EPHB1: variants seen among roughly 807,000 people sequenced by gnomAD.
The protein encoded by EPHB1 is EPH receptor B1, also known as ephrin type-B receptor 1.
Under a neutral mutation model 94.4 loss-of-function variants are expected in EPHB1, and 30 were observed. The ratio of observed to expected loss-of-function variants is 0.32; its 90% confidence interval spans 0.24 to 0.43. The LOEUF is 0.43. EPHB1 is among the 20% of genes least tolerant of loss of function. EPHB1 has a pLI of 1.00. For missense variants in EPHB1, 1,055 were observed against 1,308.3 expected, an observed-to-expected ratio of 0.81 and a Z score of 2.99; for synonymous variants, 522 against 489.1, an observed-to-expected ratio of 1.07 and a Z score of -0.89.
chr3:134,833,279 C>T lies in EPHB1; in HGVS notation c.58+37590C>T, dbSNP rs554173545. Among the ~76,000 whole-genome samples the T allele has an allele frequency of 7.9e-5, 12 of 152,300 alleles. No individual in the cohort carries two copies. In the South Asian group the frequency reaches 2.5e-3, roughly 32 times the overall value. On this transcript the variant is annotated intron_variant, in intron 1 of 15. Transcript: ENST00000398015. ...GCAACACTGACCCTGTGACCCTGCC[C>T]CCGTCCCCAGGCCCTCTGCTTTGAT...
At chr3:134,999,686 A>G (rs72975510) in intron 3 of EPHB1, among the ~76,000 whole-genome samples, 2,516 of 152,276 alleles carry the variant, frequency 0.017, 74 homozygotes, top group African/African-American at 0.055. Context: ...GAAGGATGAG[A>G]GGATTGCCTG....
At chr3:134,941,755 AC>A (rs2039121686) in intron 2 of EPHB1, among the ~76,000 whole-genome samples, 1 of 33,940 alleles carries the variant, frequency 2.9e-5, no homozygotes, top group Non-Finnish European at 7.4e-5. Flanking sequence ...GCACACAGAC[AC>A]ACACACACAC....
At chr3:134,822,550 T>C (rs988357136) in intron 1 of EPHB1, among the ~76,000 whole-genome samples, 1 of 152,228 alleles carries the variant, frequency 6.6e-6, no homozygotes, top group Admixed American at 6.5e-5. Context: ...CCACAATTCT[T>C]ATTTAACATA....
At chr3:135,239,788 C>T (rs1265444147) in intron 12 of EPHB1, among the ~76,000 whole-genome samples, 2 of 152,234 alleles carry the variant, frequency 1.3e-5, no homozygotes, top group African/African-American at 2.4e-5. Flanking sequence ...GTCCCAGCCT[C>T]TCTCTTATCC....
intron 1 of EPHB1, among the ~76,000 whole-genome samples, chr3:134,814,085 G>T (rs1275856249): frequency 2.0e-5 from 3 of 152,166 alleles, no homozygotes; most frequent in Non-Finnish European, 4.4e-5. Context: ...CTGTCACACT[G>T]CCCAGGATCA....
chr3:135,055,618 C>A (rs1377167394), intron 3 of EPHB1, among the ~76,000 whole-genome samples: 1 of 152,172 alleles, frequency 6.6e-6, no homozygotes, highest in East Asian at 1.9e-4. Context: ...CCAAGGCTTC[C>A]CATACAGATC....
In EPHB1 at chr3:135,248,213, G is replaced by GAGAC. The variant is rs1347194376; in HGVS notation, c.2497-100_2497-97dup. ...GTGCAAGCACAGAGCAAGGGCATCT[G>GAGAC]AGACAGCCTGGATCAGGGAGGCTCC... On this transcript the variant is annotated intron_variant, in intron 13 of 15. Coordinates refer to ENST00000398015, the MANE Select transcript of EPHB1 (RefSeq NM_004441.5). 5 of 1,154,678 alleles carry GAGAC rather than the reference G, an allele frequency of 4.3e-6. No individual in the cohort carries two copies. In the East Asian group the frequency reaches 1.3e-4, roughly 29 times the overall value. 71.5% of individuals were successfully genotyped at this position (1,154,678 alleles called of 1,614,324 possible).
At chr3:135,065,146 C>T (rs1937564661) in intron 3 of EPHB1, among the ~76,000 whole-genome samples, 1 of 151,996 alleles carries the variant, frequency 6.6e-6, no homozygotes, top group Admixed American at 6.6e-5. Context: ...GGAGAAAGTT[C>T]CGTGCACTGT....
chr3:135,247,242 A>G (rs1331198119), intron 13 of EPHB1, among the ~76,000 whole-genome samples: 1 of 152,202 alleles, frequency 6.6e-6, no homozygotes, highest in Non-Finnish European at 1.5e-5. Flanking sequence ...TATCCTTCCA[A>G]GGTCTTTTCT....
intron 1 of EPHB1, among the ~76,000 whole-genome samples, chr3:134,917,068 C>T (rs1174833408): frequency 6.6e-6 from 1 of 152,212 alleles, no homozygotes; most frequent in Non-Finnish European, 1.5e-5. Flanking sequence ...AAAGCACTCA[C>T]ATAGTACAAG....
At chr3:134,894,416 A>T (rs1224250531) in intron 1 of EPHB1, among the ~76,000 whole-genome samples, 1 of 152,194 alleles carries the variant, frequency 6.6e-6, no homozygotes, top group Non-Finnish European at 1.5e-5. Flanking sequence ...CAAAGGTGAA[A>T]GTTTTACAGC....
In EPHB1 at chr3:135,112,940, A is replaced by G. The variant is rs191647510; in HGVS notation, c.961+6337A>G. On this transcript the variant is annotated intron_variant, in intron 4 of 15. Transcript: ENST00000398015. ...GCTTTGCTCCAGCTGAGCTTTACCC[A>G]TCGCTGACCAGGGCTTTAGTGTAAG... Among the ~76,000 whole-genome samples, 264 of 152,328 alleles carry G rather than the reference A, an allele frequency of 1.7e-3. 9 individuals are homozygous for G. The East Asian group carries it at 0.045, about 26-fold the overall frequency.
At chr3:134,840,069 T>G (rs1324283438) in intron 1 of EPHB1, among the ~76,000 whole-genome samples, 1 of 152,200 alleles carries the variant, frequency 6.6e-6, no homozygotes, top group African/African-American at 2.4e-5. Context: ...CCCCTCCACT[T>G]GGCACCTCCG....
intron 3 of EPHB1, among the ~76,000 whole-genome samples, chr3:135,059,422 A>G (rs1264386315): frequency 6.6e-6 from 1 of 152,138 alleles, no homozygotes; most frequent in Admixed American, 6.5e-5. Context: ...CCAATTTGCC[A>G]TTACTTGAGG....
rs142339384 is a variant in EPHB1, at chr3:134,932,726, A to T, written c.123+6846A>T. On this transcript the variant is annotated intron_variant, in intron 2 of 15. Coordinates refer to ENST00000398015, the MANE Select transcript of EPHB1 (RefSeq NM_004441.5). ...CATCACTAACCCTCTGGAGGGCTGA[A>T]TTTTCTGTTTTCTCCCTTTAATGAT... Among the ~76,000 whole-genome samples, 1,370 of 152,296 alleles carry T rather than the reference A, an allele frequency of 9.0e-3. 26 individuals carry two copies. The highest frequency in any genetic ancestry group is 0.031 in the African/African-American group (1,296 of 41,568).
Position 134,871,422 on chromosome 3 carries a change from G to A in EPHB1, c.59-54394G>A, listed in dbSNP as rs74858510. ...GCAGGTGAGGTCCCCAGGCACTGGA[G>A]TGAGGGGAAAGAACTGCAAGCTCTG... On this transcript the variant is annotated intron_variant, in intron 1 of 15. Transcript: ENST00000398015. 7.7e-3 allele frequency among the ~76,000 whole-genome samples: 1,169 copies of A among 152,242 alleles called. 16 individuals carry two copies. Among genetic ancestry groups the A allele is most frequent in the African/African-American group, 0.027 (1,124 of 41,532 alleles).
chr3:135,249,526 C>T (rs1303175246), intron 15 of EPHB1, 35 bp downstream of exon 15: 4 of 1,595,990 alleles, frequency 2.5e-6, no homozygotes, highest in Non-Finnish European at 3.4e-6. Flanking sequence ...CAGACCACAC[C>T]TAGGGGTCAG....
chr3:135,107,070 C>G (rs141550399), intron 4 of EPHB1, among the ~76,000 whole-genome samples: 156 of 152,278 alleles, frequency 1.0e-3, no homozygotes, highest in African/African-American at 3.6e-3. Flanking sequence ...ATCTCAGTTA[C>G]CAAATGAAGA....
intron 1 of EPHB1, chr3:134,796,038 G>A (rs1376047092): frequency 2.8e-6 from 1 of 357,912 alleles, no homozygotes; most frequent in Non-Finnish European, 5.1e-6. Flanking sequence ...CCAGAGCTGG[G>A]CGTTGGGGAG....
Sources: gnomAD v4.1 joint callset for allele counts (sites outside exome capture counted in the v4.1 genomes callset) on GRCh38, gnomAD v4.1.1 for gene constraint, MANE v1.5 for transcripts, NCBI Gene and HGNC (gene_info 2026-07-23, HGNC 2026-07-21) for gene names.